The following CFAP61 variants were observed in gnomAD, a reference collection of about 807,000 sequenced individuals.
The protein encoded by CFAP61 is cilia- and flagella-associated protein 61.
Under a neutral mutation model 135.6 loss-of-function variants are expected in CFAP61, and 107 were observed. That is an observed-to-expected ratio of 0.79 (90% CI 0.67 to 0.93). The LOEUF is 0.93. Among genes scored for constraint, CFAP61 ranks in the 40% least tolerant of loss-of-function variants. The probability of loss-of-function intolerance (pLI) is 0.00; values close to 1 mark genes in which losing one functional copy is unlikely to be tolerated. For synonymous variants in CFAP61, 575 were observed against 578.5 expected (o/e 0.99, Z 0.09); for missense variants, 1,507 against 1,556.2 (o/e 0.97, Z 0.53).
At chr20:20,197,653 C>T (rs933191006) in intron 16 of CFAP61, among the ~76,000 whole-genome samples, 4 of 152,134 alleles carry the variant, frequency 2.6e-5, no homozygotes, top group Non-Finnish European at 5.9e-5. Flanking sequence ...CACACTCACA[C>T]ACTCATATAA....
chr20:20,222,010 T>TAA (rs2048438536), intron 17 of CFAP61: 1 of 152,122 alleles, frequency 6.6e-6, no homozygotes, highest in African/African-American at 2.4e-5. Context: ...CATGCACAGG[T>TAA]AAGGACAACT....
chr20:20,210,997 C>T (rs2047595147), intron 17 of CFAP61, among the ~76,000 whole-genome samples: 1 of 152,044 alleles, frequency 6.6e-6, no homozygotes, highest in Non-Finnish European at 1.5e-5. Context: ...GTTTTGCCTT[C>T]CTGGAAGATG....
chr20:20,292,652 G>A (rs1051299337), intron 24 of CFAP61, among the ~76,000 whole-genome samples: 1 of 152,138 alleles, frequency 6.6e-6, no homozygotes, highest in Non-Finnish European at 1.5e-5. Context: ...TTACTCAGCT[G>A]GGCTGGGATG....
intron 18 of CFAP61, among the ~76,000 whole-genome samples, chr20:20,238,542 C>T (rs1023167449): frequency 1.3e-5 from 2 of 152,190 alleles, no homozygotes; most frequent in African/African-American, 2.4e-5. Context: ...GCTTTGGTTG[C>T]GTTTGCTATG....
chr20:20,054,009 G>GTTTTTTTTT (rs1491456523), intron 1 of CFAP61, among the ~76,000 whole-genome samples: 3 of 88,850 alleles, frequency 3.4e-5, no homozygotes, highest in African/African-American at 1.2e-4. Context: ...TGTTTTTTTT[G>GTTTTTTTTT]TTTGTTTTTT....
intron 9 of CFAP61, 124 bp from the exon 10 acceptor site, chr20:20,159,246 C>A: frequency 1.3e-6 from 1 of 782,194 alleles, no homozygotes; most frequent in Non-Finnish European, 2.2e-6. Flanking sequence ...ATAATTTTCC[C>A]AATGCCACAA....
chr20:20,071,830 C>T (rs1279749124), intron 3 of CFAP61, among the ~76,000 whole-genome samples: 1 of 152,174 alleles, frequency 6.6e-6, no homozygotes, highest in East Asian at 1.9e-4. Flanking sequence ...TGTGTTCTCT[C>T]CTACCCTGCC....
rs993242557 is a variant in CFAP61 at position 20,196,534 on chromosome 20, T to C, written c.1591-36T>C. ...CAAAATGCATGCCGTTTGTTTAAAATGCTTGTAGAAACCATCCCTTCTGTC... is the reference window on the plus strand; with the variant it reads ...CAAAATGCATGCCGTTTGTTTAAAACGCTTGTAGAAACCATCCCTTCTGTC... On this transcript the variant is annotated intron_variant, in intron 15 of 26. Transcript: ENST00000245957. 1.8e-5 allele frequency: 26 copies of C among 1,472,120 alleles called. No homozygotes were observed. The East Asian group carries it at 5.7e-4, about 32-fold the overall frequency. 91.2% of individuals were successfully genotyped at this position (1,472,120 alleles called of 1,614,324 possible).
chr20:20,114,349 G>T (rs1295844882), intron 8 of CFAP61, among the ~76,000 whole-genome samples: 2 of 152,184 alleles, frequency 1.3e-5, no homozygotes, highest in African/African-American at 4.8e-5. Flanking sequence ...CAGTTTGCTA[G>T]TGGGGAAACT....
At chr20:20,216,774 C>T (rs2146928041) in intron 17 of CFAP61, among the ~76,000 whole-genome samples, 1 of 149,924 alleles carries the variant, frequency 6.7e-6, no homozygotes, top group South Asian at 2.1e-4. Context: ...AGAAGAAAAA[C>T]AGTGGAAATT....
At chr20:20,338,147 C>T (rs943912127) in intron 25 of CFAP61, among the ~76,000 whole-genome samples, 1 of 152,208 alleles carries the variant, frequency 6.6e-6, no homozygotes, top group Non-Finnish European at 1.5e-5. Flanking sequence ...GCCCCACCAG[C>T]TATGCTCCAT....
chr20:20,356,386 C>A lies in CFAP61; in HGVS notation c.3514-3824C>A, dbSNP rs1602178512. ...AGTGGTCACACTGAGGGGAGGTGGT[C>A]ATAGTGTGAGGGGAGGTGGTCACAC... On this transcript the variant is annotated intron_variant, in intron 26 of 26. Coordinates refer to ENST00000245957, the MANE Select transcript of CFAP61 (RefSeq NM_015585.4). Among the ~76,000 whole-genome samples the A allele has an allele frequency of 3.3e-5, 5 of 149,274 alleles. No individual in the cohort carries two copies. In the East Asian group the frequency reaches 8.0e-4, roughly 24 times the overall value.
At chr20:20,121,463 ATAAG>A (rs1399507457) in intron 8 of CFAP61, among the ~76,000 whole-genome samples, 13 of 151,588 alleles carry the variant, frequency 8.6e-5, no homozygotes, top group Admixed American at 6.6e-4. Context: ...GTTATTAATG[ATAAG>A]TAAGGATTTT....
rs1382253789 is a variant in CFAP61, at chr20:20,359,532, G to C, written c.3514-678G>C. On this transcript the variant is annotated intron_variant, in intron 26 of 26. Transcript: ENST00000245957. The surrounding 1 kb of genome is among the most constrained non-coding windows in gnomAD (Gnocchi z 4.0). ...ATACAAAATTAGCCAGGCATGGTGG[G>C]CCATGCCTGTAGTCCCAGCTACTTG... Among the ~76,000 whole-genome samples the C allele has an allele frequency of 6.6e-6, 1 of 151,928 alleles. No individual in the cohort carries two copies. The highest frequency in any genetic ancestry group is 1.5e-5 in the Non-Finnish European group (1 of 67,986).
At chr20:20,067,775 A>ATT (rs1379434784) in intron 2 of CFAP61, among the ~76,000 whole-genome samples, 4 of 66,206 alleles carry the variant, frequency 6.0e-5, no homozygotes, top group Admixed American at 3.4e-4. Context: ...ATATGTATTT[A>ATT]TTATATATAT....
chr20:20,145,333 T>C (rs2051788428), intron 9 of CFAP61, among the ~76,000 whole-genome samples: 1 of 152,184 alleles, frequency 6.6e-6, no homozygotes, highest in African/African-American at 2.4e-5. Flanking sequence ...AATGACAGTC[T>C]GTGATCAGTT....
chr20:20,076,476 C>G (rs2046057820), intron 6 of CFAP61, among the ~76,000 whole-genome samples: 1 of 152,200 alleles, frequency 6.6e-6, no homozygotes, highest in East Asian at 1.9e-4. Flanking sequence ...CAGCTGACAT[C>G]TGATCGCAGC....
intron 8 of CFAP61, among the ~76,000 whole-genome samples, chr20:20,114,071 C>T (rs2048977149): frequency 6.6e-6 from 1 of 151,236 alleles, no homozygotes. Context: ...GAGTTCGAGA[C>T]CACCCTGGGC....
chr20:20,069,904 A>G (rs1163029439), intron 2 of CFAP61: 1 of 309,630 alleles, frequency 3.2e-6, no homozygotes, highest in Admixed American at 4.0e-5. Context: ...GAACATGGGT[A>G]ACTGCTGCCT....
Sources: allele counts gnomAD v4.1 joint callset (sites outside exome capture counted in the v4.1 genomes callset), GRCh38; gene constraint gnomAD v4.1.1; non-coding constraint Gnocchi (gnomAD v3.1); transcripts MANE v1.5; gene names NCBI Gene and HGNC (gene_info 2026-07-23, HGNC 2026-07-21).